Variants in CACNA1A observed in about 807,000 individuals in gnomAD.
CACNA1A encodes calcium voltage-gated channel subunit alpha1 A.
A neutral mutation model predicts 262.4 loss-of-function variants in CACNA1A; 57 were observed. The observed-to-expected ratio is 0.22, with a 90% CI of 0.18 to 0.27. The LOEUF is 0.27. CACNA1A is among the 10% of genes least tolerant of loss of function. The pLI is 1.00. For synonymous variants in CACNA1A, 1,431 were observed against 1,419.3 expected (o/e 1.01, Z -0.18); for missense variants, 2,526 against 3,562.8 (o/e 0.71, Z 7.41).
intron 24 of CACNA1A, among the ~76,000 whole-genome samples, chr19:13,268,582 A>C (rs377047076): frequency 6.6e-6 from 1 of 151,438 alleles, no homozygotes; most frequent in African/African-American, 2.4e-5. Flanking sequence ...ACAGGCGCCC[A>C]CCACCACGCC....
intron 29 of CACNA1A, among the ~76,000 whole-genome samples, chr19:13,254,349 ATTTC>A (rs998616566): frequency 6.8e-6 from 1 of 147,598 alleles, no homozygotes; most frequent in African/African-American, 2.5e-5. Flanking sequence ...CTTCTCCCTC[ATTTC>A]TTTCTTTTTC....
At chr19:13,353,269 C>T (rs1462437689) in intron 6 of CACNA1A, among the ~76,000 whole-genome samples, 2 of 151,750 alleles carry the variant, frequency 1.3e-5, no homozygotes, top group East Asian at 3.9e-4. Flanking sequence ...CAGATGTACG[C>T]CACTATGCCT....
intron 3 of CACNA1A, among the ~76,000 whole-genome samples, chr19:13,401,236 T>C (rs2059895178): frequency 6.6e-6 from 1 of 152,232 alleles, no homozygotes; most frequent in South Asian, 2.1e-4. Flanking sequence ...GAATTTATAC[T>C]AAGCGTGGGG....
intron 19 of CACNA1A, among the ~76,000 whole-genome samples, chr19:13,294,584 G>A (rs1568503210): frequency 6.9e-6 from 1 of 144,548 alleles, no homozygotes; most frequent in African/African-American, 2.6e-5. Context: ...CCTCTGCCTC[G>A]CAGGACAATT....
chr19:13,388,942 A>T (rs2059665584), intron 3 of CACNA1A, among the ~76,000 whole-genome samples: 1 of 152,064 alleles, frequency 6.6e-6, no homozygotes, highest in African/African-American at 2.4e-5. Context: ...TGCTCTTGTC[A>T]CCCAGGCTGG....
intron 37 of CACNA1A, chr19:13,225,342 C>G (rs1173692828): frequency 6.5e-6 from 1 of 154,724 alleles, no homozygotes; most frequent in Admixed American, 6.4e-5. Context: ...TGCAGCGAGG[C>G]TGTGACACAG....
At chr19:13,282,254 A>G (rs2057308325) in intron 22 of CACNA1A, among the ~76,000 whole-genome samples, 1 of 150,984 alleles carries the variant, frequency 6.6e-6, no homozygotes, top group Admixed American at 6.6e-5. Context: ...CTGGGTCCTA[A>G]CCTACTTAGC....
At chr19:13,479,340 G>A (rs1230348731) in intron 1 of CACNA1A, among the ~76,000 whole-genome samples, 1 of 152,218 alleles carries the variant, frequency 6.6e-6, no homozygotes, top group Non-Finnish European at 1.5e-5. Context: ...TGGCCTTTGA[G>A]TGAAGTCCTG....
intron 16 of CACNA1A, 33 bp downstream of exon 16, chr19:13,303,734 G>T: frequency 1.3e-6 from 2 of 1,574,572 alleles, no homozygotes; most frequent in Non-Finnish European, 1.7e-6. Context: ...AGAGGTCCAG[G>T]CCTGTCCCCT....
intron 29 of CACNA1A, among the ~76,000 whole-genome samples, chr19:13,253,803 G>A (rs991650472): frequency 2.0e-5 from 3 of 151,548 alleles, no homozygotes; most frequent in Non-Finnish European, 4.4e-5. Flanking sequence ...GCAGTGGTGT[G>A]ATCTCAGCTC....
At chr19:13,261,232 A>G (rs977922948) in intron 26 of CACNA1A, 2 of 485,412 alleles carry the variant, frequency 4.1e-6, no homozygotes, top group African/African-American at 3.8e-5. Flanking sequence ...CTGAAAGGTC[A>G]ATCAATTTGC....
intron 37 of CACNA1A, chr19:13,225,005 C>A: frequency 2.2e-6 from 1 of 462,342 alleles, no homozygotes; most frequent in Non-Finnish European, 3.9e-6. Context: ...CTTTTTTCCC[C>A]CACCTGCTTG....
At chr19:13,489,535 G>A (rs1980504078) in intron 1 of CACNA1A, among the ~76,000 whole-genome samples, 1 of 152,188 alleles carries the variant, frequency 6.6e-6, no homozygotes, top group Non-Finnish European at 1.5e-5. Context: ...GCCTCTCAAA[G>A]TGCTGGGATT....
chr19:13,352,403 CAAA>C (rs202072454), intron 6 of CACNA1A, among the ~76,000 whole-genome samples: 4 of 82,614 alleles, frequency 4.8e-5, no homozygotes, highest in East Asian at 2.8e-4. Context: ...GACTCCATCT[CAAA>C]AAAAAAAAAA....
At chr19:13,252,210 G>A (rs966225425) in intron 30 of CACNA1A, among the ~76,000 whole-genome samples, 6 of 151,658 alleles carry the variant, frequency 4.0e-5, no homozygotes, top group Admixed American at 6.6e-5. Context: ...CTACAGGCAC[G>A]AGTTACCATG....
chr19:13,353,204 C>G (rs1178243932), intron 6 of CACNA1A, among the ~76,000 whole-genome samples: 3 of 151,970 alleles, frequency 2.0e-5, no homozygotes, highest in Non-Finnish European at 4.4e-5. Flanking sequence ...ACCTCTGACT[C>G]CAGGGCTCAA....
intron 10 of CACNA1A, among the ~76,000 whole-genome samples, chr19:13,319,854 C>T (rs572208003): frequency 3.3e-5 from 5 of 152,276 alleles, no homozygotes; most frequent in African/African-American, 4.8e-5. Flanking sequence ...CCCCATTTTA[C>T]AGCCAAGGAA....
chr19:13,488,165 G>A (rs988181963), intron 1 of CACNA1A, among the ~76,000 whole-genome samples: 12 of 152,044 alleles, frequency 7.9e-5, no homozygotes, highest in African/African-American at 2.9e-4. Flanking sequence ...TTAGAGAGAA[G>A]GGAGCTTGTG....
At chr19:13,363,325 TC>T (rs2059145876) in intron 5 of CACNA1A, 2 of 151,794 alleles carry the variant, frequency 1.3e-5, no homozygotes, top group African/African-American at 2.4e-5. Context: ...TCTCTCTCTC[TC>T]TCTCTCTCTC....
Sources: allele counts gnomAD v4.1 joint callset (sites outside exome capture counted in the v4.1 genomes callset), GRCh38; gene constraint gnomAD v4.1.1; transcripts MANE v1.5; gene names NCBI Gene and HGNC (gene_info 2026-07-23, HGNC 2026-07-21).